The following EFHD1 variants were observed in gnomAD, a reference collection of about 807,000 sequenced individuals.
The protein encoded by EFHD1 is EF-hand domain-containing protein D1.
Under a neutral mutation model 17.2 loss-of-function variants are expected in EFHD1, and 10 were observed. The ratio of observed to expected loss-of-function variants is 0.58; its 90% CI spans 0.36 to 0.99. The LOEUF is 0.99. Ranked by LOEUF, EFHD1 falls within the 50% of genes least tolerant of loss-of-function variation. The pLI is 0.01. For missense variants in EFHD1, 310 were observed against 327.5 expected (o/e 0.95, Z 0.41); for synonymous variants, 153 against 142.0 (o/e 1.08, Z -0.55).
chr2:232,606,431 AG>A, intron 1 of EFHD1: 1 of 589,722 alleles, frequency 1.7e-6, no homozygotes. Context: ...CAGCAATCCC[AG>A]GGTGTGCTGA....
At chr2:232,653,330 G>A (rs150246169) in intron 1 of EFHD1, among the ~76,000 whole-genome samples, 1,531 of 151,938 alleles carry the variant, frequency 0.01, 26 homozygotes, top group African/African-American at 0.034. Context: ...TCACTCTGTC[G>A]CCCAGGCTGG....
At chr2:232,663,845 G>A (rs1202256220) in intron 2 of EFHD1, among the ~76,000 whole-genome samples, 1 of 152,124 alleles carries the variant, frequency 6.6e-6, no homozygotes, top group Non-Finnish European at 1.5e-5. Context: ...GAGTGCAGTG[G>A]CTCAATCCTC....
intron 1 of EFHD1, among the ~76,000 whole-genome samples, chr2:232,620,310 C>T (rs1693997908): frequency 6.6e-6 from 1 of 151,028 alleles, no homozygotes; most frequent in Non-Finnish European, 1.5e-5. Flanking sequence ...ATGGCGTGAA[C>T]CCGGGAGGTG....
intron 1 of EFHD1, among the ~76,000 whole-genome samples, chr2:232,646,362 A>G (rs2106200988): frequency 6.7e-6 from 1 of 149,026 alleles, no homozygotes; most frequent in South Asian, 2.1e-4. Flanking sequence ...TAACCCTGCA[A>G]TTCCCAGTTG....
At chr2:232,653,695 G>T (rs755195674) in intron 1 of EFHD1, among the ~76,000 whole-genome samples, 3 of 152,212 alleles carry the variant, frequency 2.0e-5, no homozygotes, top group South Asian at 4.1e-4. Flanking sequence ...GGGATTGAAG[G>T]GGGTGGTTGG....
intron 2 of EFHD1, 74 bp from the exon 3 acceptor site, chr2:232,672,235 A>T: frequency 6.3e-7 from 1 of 1,597,904 alleles, no homozygotes; most frequent in Non-Finnish European, 8.6e-7. Flanking sequence ...GAGTGACTTC[A>T]GCTTGGACCA....
chr2:232,633,555 C>T (rs1694243239), upstream of EFHD1: 1 of 1,286,104 alleles, frequency 7.8e-7, no homozygotes, highest in Non-Finnish European at 9.8e-7. Flanking sequence ...GCCCCGCCCG[C>T]CAGTCCGTCC....
In EFHD1 at chr2:232,640,210, C is replaced by T. The variant is rs989471185; in HGVS notation, c.302+6204C>T. Among the ~76,000 whole-genome samples, 5 of 152,274 alleles carry T rather than the reference C, an allele frequency of 3.3e-5. No homozygotes were observed. In the East Asian group the frequency reaches 5.8e-4, roughly 18 times the overall value. ...CATGGCCTTCCACGTTCCAAGGCTG[C>T]AGAGGTTCTGTGGTACCCCTGGTCC... On this transcript the variant is annotated intron_variant, in intron 1 of 3. Transcript: ENST00000264059.
intron 1 of EFHD1, among the ~76,000 whole-genome samples, chr2:232,610,318 TAGGGGC>T (rs1368865748): frequency 6.6e-6 from 1 of 151,930 alleles, no homozygotes; most frequent in Non-Finnish European, 1.5e-5. Context: ...ATCTGGGGAG[TAGGGGC>T]AGGTGAGCTC....
intron 3 of EFHD1, among the ~76,000 whole-genome samples, 183 bp from the exon 4 acceptor site, chr2:232,681,402 C>T (rs923008884): frequency 2.6e-5 from 4 of 152,196 alleles, no homozygotes; most frequent in Non-Finnish European, 4.4e-5. Context: ...ATGGTGTCTG[C>T]GCCAACAGAA....
intron 1 of EFHD1, among the ~76,000 whole-genome samples, chr2:232,648,084 A>G (rs1277342668): frequency 1.3e-5 from 2 of 152,166 alleles, no homozygotes; most frequent in Non-Finnish European, 2.9e-5. Flanking sequence ...TACAAAAAAT[A>G]TGAAAAACTA....
chr2:232,634,090 T>A (rs1694267247), intron 1 of EFHD1, 84 bp downstream of exon 1: 2 of 1,549,212 alleles, frequency 1.3e-6, no homozygotes, highest in Non-Finnish European at 8.6e-7. Flanking sequence ...GGGCCCTGTT[T>A]GTGTGGGGAG....
Position 232,633,673 on chromosome 2 carries a change from C to CCCCGCGTT in EFHD1, c.-24_-17dup, listed in dbSNP as rs922636432. On this transcript the variant is annotated 5_prime_UTR_variant, in exon 1 of 4. Coordinates refer to ENST00000264059, the MANE Select transcript of EFHD1 (RefSeq NM_025202.4). ...CAGCTCCCTGCGTCCCGTCCCGCGT[C>CCCCGCGTT]CCCGCGTTCCCGCGTCCTGCGATCC... 4.9e-5 allele frequency: 68 copies of CCCCGCGTT among 1,401,922 alleles called. No homozygotes were observed. The highest frequency in any genetic ancestry group is 9.4e-5 in the South Asian group (6 of 63,860). The allele number at this position is 1,401,922 out of a possible 1,614,324, so 86.8% of individuals were successfully genotyped here.
intron 1 of EFHD1, among the ~76,000 whole-genome samples, chr2:232,608,143 G>C (rs1693753031): frequency 6.6e-6 from 1 of 152,280 alleles, no homozygotes; most frequent in South Asian, 2.1e-4. Flanking sequence ...GCCAAGGCAG[G>C]TGGTTCACTT....
intron 1 of EFHD1, among the ~76,000 whole-genome samples, chr2:232,652,485 TA>T (rs998780816): frequency 1.1e-4 from 17 of 152,066 alleles, no homozygotes; most frequent in African/African-American, 3.6e-4. Context: ...GGAATTCACT[TA>T]CTTCAGTTTT....
chr2:232,637,339 C>T (rs1018105841), intron 1 of EFHD1, among the ~76,000 whole-genome samples: 9 of 143,276 alleles, frequency 6.3e-5, no homozygotes, highest in African/African-American at 2.0e-4. Flanking sequence ...TTCACATGGC[C>T]TTCCTTTTTT....
chr2:232,622,512 C>T lies in EFHD1; in HGVS notation c.14+16339C>T, dbSNP rs368347480. On this transcript the variant is annotated intron_variant, in intron 1 of 3. Transcript: ENST00000409613. ...GGGGGAAGACATCTGGGAACTGGGA[C>T]CAGTGGGTTTTATTTATTTAGACCC... Among the ~76,000 whole-genome samples the T allele has an allele frequency of 3.3e-5, 5 of 152,168 alleles. No individual in the cohort carries two copies. The East Asian group carries it at 7.7e-4, about 24-fold the overall frequency.
chr2:232,647,643 C>CTTTTTT (rs79776217), intron 1 of EFHD1, among the ~76,000 whole-genome samples: 10 of 141,572 alleles, frequency 7.1e-5, no homozygotes, highest in Admixed American at 1.4e-4. Flanking sequence ...CCTGTTAGAA[C>CTTTTTT]TTTTTTTTTT....
intron 2 of EFHD1, among the ~76,000 whole-genome samples, chr2:232,663,982 T>C (rs1298914565): frequency 6.6e-6 from 1 of 151,976 alleles, no homozygotes; most frequent in Non-Finnish European, 1.5e-5. Flanking sequence ...TTTGTAGAGA[T>C]GAGGTCTCAC....
Sources: gnomAD v4.1 joint callset for allele counts (sites outside exome capture counted in the v4.1 genomes callset) on GRCh38, gnomAD v4.1.1 for gene constraint, MANE v1.5 for transcripts, NCBI Gene and HGNC (gene_info 2026-07-23, HGNC 2026-07-21) for gene names.